The following CAPN2 variants were observed in gnomAD, a reference collection of about 807,000 sequenced individuals.
CAPN2 encodes calpain-2 catalytic subunit.
A neutral mutation model predicts 102.3 loss-of-function variants in CAPN2; 92 were observed. The observed-to-expected ratio is 0.90, with a 90% confidence interval of 0.76 to 1.07. CAPN2 has a LOEUF of 1.07. CAPN2 is among the 50% of genes least tolerant of loss of function. CAPN2 has a pLI of 0.00. For missense variants in CAPN2, 800 were observed against 909.4 expected, an observed-to-expected ratio of 0.88 and a Z score of 1.55; for synonymous variants, 340 against 355.4, an observed-to-expected ratio of 0.96 and a Z score of 0.49.
chr1:223,770,477 T>C lies in CAPN2; in HGVS notation c.1855T>C (p.Ser619Pro), dbSNP rs776122510. 32 of 1,613,740 alleles carry C rather than the reference T, an allele frequency of 2.0e-5. No homozygotes were observed. The highest frequency in any genetic ancestry group is 2.7e-5 in the African/African-American group (2 of 74,856). The part of the protein sequence containing the change: ...KIYREIDVDR[S>P]GTMNSYEMRK... The stretch of plus-strand genomic sequence containing the variant: ...TTACCGAGAAATCGACGTTGACAGG[T>C]CTGGTACCATGAATTCCTATGAAAT... The change falls in exon 18 of 21, where the codon TCT becomes CCT. Residue 619 changes from serine to proline, a missense_variant. Transcript: ENST00000295006.
At chr1:223,752,152 C>G (rs111269458) in intron 8 of CAPN2, 81 bp downstream of exon 8, 4 of 992,076 alleles carry the variant, frequency 4.0e-6, no homozygotes, top group Admixed American at 4.0e-5. Flanking sequence ...GAAAGAGTGT[C>G]GGCCAAAGTG....
chr1:223,749,011 G>C (rs745347643), intron 5 of CAPN2, 28 bp from the exon 6 acceptor site: 3 of 1,602,286 alleles, frequency 1.9e-6, no homozygotes, highest in Non-Finnish European at 2.6e-6. Context: ...AGCGGGTGCG[G>C]CCAGTCTGAC....
intron 1 of CAPN2, among the ~76,000 whole-genome samples, chr1:223,702,105 AGAAGGAAG>A (rs372361537): frequency 2.4e-5 from 2 of 84,604 alleles, no homozygotes; most frequent in Non-Finnish European, 4.3e-5. Context: ...AAAGAAGGAA[AGAAGGAAG>A]GAAGGAAGGA....
chr1:223,715,003 C>A (rs1467013635), intron 1 of CAPN2, among the ~76,000 whole-genome samples: 3 of 152,162 alleles, frequency 2.0e-5, no homozygotes, highest in African/African-American at 7.2e-5. Context: ...GAAATTGAGG[C>A]TTGGGAAGGT....
chr1:223,714,663 G>A (rs1659830003), intron 1 of CAPN2, among the ~76,000 whole-genome samples: 1 of 149,208 alleles, frequency 6.7e-6, no homozygotes, highest in Non-Finnish European at 1.5e-5. Context: ...CCAAGAGAAT[G>A]TGTTCACTTT....
rs1341900774 is a variant in CAPN2, at chr1:223,755,538, G to A, written c.1194G>A (p.Glu398=). The A allele has an allele frequency of 6.2e-7, 1 of 1,614,074 alleles. No individual in the cohort carries two copies. Among genetic ancestry groups the A allele is most frequent in the Non-Finnish European group, 8.5e-7 (1 of 1,180,026 alleles). ...LIKLEEEDED[E]EDGESGCTFL... The stretch of plus-strand genomic sequence containing the variant: ...AGCTGGAGGAGGAGGATGAGGACGA[G>A]GAGGATGGGGAGAGCGGCTGCACCT... The change falls in exon 10 of 21, where the codon GAG becomes GAA. Residue 398 remains glutamate (E), a synonymous_variant. Coordinates refer to ENST00000295006, the MANE Select transcript of CAPN2 (RefSeq NM_001748.5). This position sits in a 1 kb window ranked among gnomAD's most constrained non-coding sequence, Gnocchi z 4.1.
At chr1:223,762,709 C>G (rs1237268110) in intron 14 of CAPN2, among the ~76,000 whole-genome samples, 1 of 152,084 alleles carries the variant, frequency 6.6e-6, no homozygotes, top group African/African-American at 2.4e-5. Context: ...GAGACAGGGT[C>G]TCTCTCTGTC....
At chr1:223,729,607 G>T (rs143404726) in intron 2 of CAPN2, among the ~76,000 whole-genome samples, 2,427 of 152,322 alleles carry the variant, frequency 0.016, 70 homozygotes, top group African/African-American at 0.055. Flanking sequence ...ACTTGAAGTG[G>T]ATGGGGAAGG....
At chr1:223,702,088 A>AGGGAGGGC (rs1659492601) in intron 1 of CAPN2, among the ~76,000 whole-genome samples, 1 of 49,752 alleles carries the variant, frequency 2.0e-5, no homozygotes, top group Admixed American at 2.0e-4. Flanking sequence ...GGAGGGAGGG[A>AGGGAGGGC]GGGAGGAAAG....
chr1:223,749,361 C>T (rs1254887104), intron 6 of CAPN2: 1 of 590,734 alleles, frequency 1.7e-6, no homozygotes, highest in African/African-American at 1.9e-5. Flanking sequence ...CCTGGTTTTA[C>T]TTGTTTTAGA....
intron 20 of CAPN2, among the ~76,000 whole-genome samples, chr1:223,773,443 T>G (rs187365742): frequency 6.6e-6 from 1 of 151,776 alleles, no homozygotes; most frequent in Non-Finnish European, 1.5e-5. Context: ...TCTATAATCC[T>G]AGCACTTTGG....
chr1:223,768,472 C>G (rs34541561), intron 16 of CAPN2, among the ~76,000 whole-genome samples: 289 of 151,834 alleles, frequency 1.9e-3, no homozygotes, highest in Non-Finnish European at 3.4e-3. Flanking sequence ...GCTTGTTTTT[C>G]TCAGGTTTAT....
At chr1:223,773,912 T>C (rs889931970) in intron 20 of CAPN2, among the ~76,000 whole-genome samples, 6 of 151,930 alleles carry the variant, frequency 3.9e-5, no homozygotes. Flanking sequence ...TGCGTGCCTG[T>C]AGACCCAGCT....
intron 20 of CAPN2, 24 bp from the exon 21 acceptor site, chr1:223,774,810 A>C (rs748469457): frequency 1.2e-6 from 2 of 1,605,454 alleles, no homozygotes; most frequent in Non-Finnish European, 1.7e-6. Flanking sequence ...CACTGAGCTG[A>C]CTTTTTTTTT....
rs1661510683 is a variant in CAPN2, at chr1:223,772,565, T to C, written c.2079+326T>C. The C allele has an allele frequency of 2.4e-5, 7 of 287,974 alleles. No homozygotes were observed. In the South Asian group the frequency reaches 3.9e-4, roughly 16 times the overall value. The allele number at this position is 287,974 out of a possible 1,614,324, so 17.8% of individuals were successfully genotyped here. A position where few individuals can be genotyped will look rare whatever the true frequency, so the allele number is the denominator to read the frequency against. On this transcript the variant is annotated intron_variant, in intron 20 of 20. Coordinates refer to ENST00000295006, the MANE Select transcript of CAPN2 (RefSeq NM_001748.5). ...CCTGATTAGCATGCAAGGGAGAACA[T>C]GTTTATATAAAGAAATCCTTCAGCT...
At chr1:223,736,608 C>G (rs571865968) in intron 2 of CAPN2, among the ~76,000 whole-genome samples, 66 of 152,170 alleles carry the variant, frequency 4.3e-4, no homozygotes, top group Non-Finnish European at 7.8e-4. Flanking sequence ...GTCCAGACTC[C>G]CAGAACCCTA....
chr1:223,735,857 A>G (rs1020317833), intron 2 of CAPN2, among the ~76,000 whole-genome samples: 61 of 151,866 alleles, frequency 4.0e-4, no homozygotes, highest in Non-Finnish European at 6.9e-4. Flanking sequence ...TCAGCTCACT[A>G]CAACCCCCAC....
intron 16 of CAPN2, among the ~76,000 whole-genome samples, chr1:223,768,573 T>C (rs1661395082): frequency 6.6e-6 from 1 of 152,170 alleles, no homozygotes; most frequent in Non-Finnish European, 1.5e-5. Context: ...AGTACCATGC[T>C]GTTTTGGTTA....
At chr1:223,712,909 C>G in intron 1 of CAPN2, 32 bp downstream of exon 1, 1 of 1,452,892 alleles carries the variant, frequency 6.9e-7, no homozygotes, top group Non-Finnish European at 9.2e-7. Context: ...GCGGGCAGGG[C>G]GGGGTGCCGG....
Sources: allele counts gnomAD v4.1 joint callset (sites outside exome capture counted in the v4.1 genomes callset), GRCh38; gene constraint gnomAD v4.1.1; non-coding constraint Gnocchi (gnomAD v3.1); transcripts MANE v1.5; gene names NCBI Gene and HGNC (gene_info 2026-07-23, HGNC 2026-07-21).